The following HPS5 variants were observed in gnomAD, a reference collection of about 807,000 sequenced individuals.
The protein encoded by HPS5 is HPS5 biogenesis of lysosomal organelles complex 2 subunit 2, also known as BLOC-2 complex member HPS5.
In HPS5, 83 loss-of-function variants were observed where a neutral mutation model predicts 128.0. The ratio of observed to expected loss-of-function variants is 0.65; its 90% CI spans 0.54 to 0.78. HPS5 has a LOEUF of 0.78. Among genes scored for constraint, HPS5 ranks in the 30% least tolerant of loss-of-function variants. HPS5 has a pLI of 0.00. For missense variants in HPS5, 1,281 were observed against 1,326.2 expected (o/e 0.97, Z 0.53); for synonymous variants, 475 against 470.2 (o/e 1.01, Z -0.13).
In HPS5 at chr11:18,287,938, T is replaced by C; in HGVS notation, c.2516A>G (p.Asp839Gly). ...DLPTRLKLLD[D>G]EVPFDSPLLV... The stretch of plus-strand genomic sequence containing the variant: ...CAACGGACTATCAAAAGGAACCTCG[T>C]CATCTAGTAACTTTAACCTTGTTGG... The change falls in exon 17 of 23, where the codon GAC (aspartate) becomes GGC (glycine). Residue 839 changes from aspartate to glycine, a missense_variant. Physicochemically the swap from Asp to Gly is moderately conservative, Grantham distance 94 (BLOSUM62 -1). Coordinates refer to ENST00000349215, the MANE Select transcript of HPS5 (RefSeq NM_181507.2). 6.2e-7 allele frequency: 1 copy of C among 1,614,054 alleles called. No individual in the cohort carries two copies. Among genetic ancestry groups the C allele is most frequent in the Admixed American group, 1.7e-5 (1 of 60,028 alleles).
intron 18 of HPS5, 104 bp from the exon 19 acceptor site, chr11:18,286,814 GAAGA>G (rs1859792527): frequency 7.2e-7 from 1 of 1,393,836 alleles, no homozygotes; most frequent in Non-Finnish European, 9.9e-7. Flanking sequence ...GAATATAGAA[GAAGA>G]AATAACTTGA....
chr11:18,310,926 G>C lies in HPS5; in HGVS notation c.292C>G (p.Leu98Val), dbSNP rs767891569. ...DYVAVATSQG[L>V]VVVWELNQER... is the part of the protein sequence containing the mutation. Reference sequence around the variant, plus strand: ...TGATTTAATTCCCAAACAACCACAAGACCTTGACTGCAAGAATTGAGTCAC... The same window carrying C: ...TGATTTAATTCCCAAACAACCACAACACCTTGACTGCAAGAATTGAGTCAC... The change falls in exon 5 of 23, where the codon CTT becomes GTT. Residue 98 changes from leucine to valine, a missense_variant. Leu to Val is a conservative substitution (Grantham distance 32). Coordinates refer to ENST00000349215, the MANE Select transcript of HPS5 (RefSeq NM_181507.2). 7 of 1,613,794 alleles carry C rather than the reference G, an allele frequency of 4.3e-6. No individual in the cohort carries two copies. The Admixed American group carries it at 1.0e-4, about 23-fold the overall frequency.
chr11:18,282,712 C>T (rs555504110), intron 21 of HPS5, among the ~76,000 whole-genome samples: 11 of 151,782 alleles, frequency 7.2e-5, no homozygotes, highest in Non-Finnish European at 1.3e-4. Context: ...AACTTAAACA[C>T]GTAAGTATAT....
rs752862842 is a variant in HPS5, at chr11:18,291,829, C to G, written c.2053G>C (p.Asp685His). 21 of 1,611,466 alleles carry G rather than the reference C, an allele frequency of 1.3e-5. No individual in the cohort carries two copies. The highest frequency in any genetic ancestry group is 1.7e-5 in the Non-Finnish European group (20 of 1,179,066). Reference protein sequence around the residue: ...LVNESKKGILDEDNEKEKRDS... With the variant: ...LVNESKKGILHEDNEKEKRDS... ...CTTTTTTCTTTTTCATTATCTTCATCTAATATTCCCTTTTTTGATTCATTA... is the reference window on the plus strand; with the variant it reads ...CTTTTTTCTTTTTCATTATCTTCATGTAATATTCCCTTTTTTGATTCATTA... Residue 685 changes from aspartate to histidine, a missense_variant, in exon 16 of 23, where the codon GAT becomes CAT. By Grantham distance (81) the Asp-to-His change is moderately conservative. Transcript: ENST00000349215.
At position 18,309,119 on chromosome 11, in the gene HPS5, A is replaced by G. The variant is rs753455289; in HGVS notation, c.478-40T>C. On this transcript the variant is annotated intron_variant, in intron 5 of 22. Transcript: ENST00000349215. ...AGAAAGAAATAAAGTTTATTTAATCATAACATACACATGCAATCTCTTCCT... is the reference window on the plus strand; with the variant it reads ...AGAAAGAAATAAAGTTTATTTAATCGTAACATACACATGCAATCTCTTCCT... The G allele has an allele frequency of 2.5e-6, 4 of 1,584,002 alleles. No homozygotes were observed. In the Admixed American group the frequency reaches 5.0e-5, roughly 20 times the overall value.
At chr11:18,312,151 G>T (rs577451896) in intron 2 of HPS5, 127 bp from the exon 3 acceptor site, 181 of 706,510 alleles carry the variant, frequency 2.6e-4, no homozygotes, top group Middle Eastern at 1.7e-3. Context: ...TGCCCATATG[G>T]ACACAATATG....
chr11:18,301,454 CAAAAAAAAAAA>C (rs899074500), intron 8 of HPS5, among the ~76,000 whole-genome samples: 12 of 52,078 alleles, frequency 2.3e-4, no homozygotes, highest in Non-Finnish European at 3.6e-4. Context: ...GACTCTGTCT[CAAAAAAAAAAA>C]AAAAAAAAAA....
chr11:18,301,341 A>G, intron 8 of HPS5, among the ~76,000 whole-genome samples: 1 of 151,480 alleles, frequency 6.6e-6, no homozygotes, highest in Admixed American at 6.6e-5. Context: ...TTGTAATCCC[A>G]GCTACTCGGG....
chr11:18,295,127 G>T lies in HPS5; in HGVS notation c.1677C>A (p.Thr559=). 4 of 1,614,036 alleles carry T rather than the reference G, an allele frequency of 2.5e-6. No homozygotes were observed. Among genetic ancestry groups the T allele is most frequent in the Non-Finnish European group, 3.4e-6 (4 of 1,179,986 alleles). Residue 559 remains threonine (T), a synonymous_variant, in exon 14 of 23, where the codon ACC becomes ACA. Transcript: ENST00000349215. The part of the protein sequence containing the change: ...FVRKTTEKIG[T]LHTSPDLKVR... Reference sequence around the variant, plus strand: ...CTTTCAGATCAGGGCTCGTGTGAAGGGTGCCAATCTTCTCAGTAGTTTTAC... The same window carrying T: ...CTTTCAGATCAGGGCTCGTGTGAAGTGTGCCAATCTTCTCAGTAGTTTTAC...
In HPS5 at chr11:18,279,072, T is replaced by C. The variant is rs1056481036; in HGVS notation, c.*810A>G. 5.3e-5 allele frequency: 8 copies of C among 152,260 alleles called. No homozygotes were observed. The highest frequency in any genetic ancestry group is 8.8e-5 in the Non-Finnish European group (6 of 68,038). The allele number at this position is 152,260 out of a possible 1,614,324, so 9.4% of individuals were successfully genotyped here. A position where few individuals can be genotyped will look rare whatever the true frequency, so the allele number is the denominator to read the frequency against. On this transcript the variant is annotated 3_prime_UTR_variant, in exon 23 of 23. Transcript: ENST00000349215. ...ATATTTTTAATTAGCTTAATTTATA[T>C]ATGAAGATATTTTATTTAATTTGTT...
chr11:18,295,945 G>C (rs1728180169), intron 13 of HPS5, 54 bp downstream of exon 13: 1 of 1,555,874 alleles, frequency 6.4e-7, no homozygotes, highest in Non-Finnish European at 8.9e-7. Flanking sequence ...TACCTAATGT[G>C]AGAACTGAAA....
intron 14 of HPS5, among the ~76,000 whole-genome samples, chr11:18,293,407 C>T (rs998039892): frequency 6.6e-6 from 1 of 152,116 alleles, no homozygotes; most frequent in Non-Finnish European, 1.5e-5. Flanking sequence ...CTCCTGACCT[C>T]GTGATCCACC....
chr11:18,312,712 T>C (rs1322895212), intron 2 of HPS5, among the ~76,000 whole-genome samples: 1 of 152,246 alleles, frequency 6.6e-6, no homozygotes, highest in East Asian at 1.9e-4. Flanking sequence ...GCAGAGCCTG[T>C]AGAAAGCCTT....
chr11:18,279,531 C>T lies in HPS5; in HGVS notation c.*351G>A, dbSNP rs2134185440. ...GCTTCTGCTCCCAACATGGAAGCCA[C>T]AGTAAGAAAAGAATCTGTCTAATCC... On this transcript the variant is annotated 3_prime_UTR_variant, in exon 23 of 23. Transcript: ENST00000349215. 7.5e-6 allele frequency: 2 copies of T among 265,730 alleles called. No individual in the cohort carries two copies. Among genetic ancestry groups the T allele is most frequent in the South Asian group, 9.8e-5 (2 of 20,338 alleles). 16.5% of individuals were successfully genotyped at this position (265,730 alleles called of 1,614,324 possible).
At chr11:18,309,942 G>T (rs184162394) in intron 5 of HPS5, among the ~76,000 whole-genome samples, 70 of 152,312 alleles carry the variant, frequency 4.6e-4, no homozygotes, top group African/African-American at 1.6e-3. Flanking sequence ...AATCAAGACT[G>T]CAGTGAGCCA....
chr11:18,321,540 G>A (rs547775004), intron 1 of HPS5, among the ~76,000 whole-genome samples: 21 of 152,362 alleles, frequency 1.4e-4, no homozygotes, highest in Admixed American at 5.9e-4. Flanking sequence ...GTAGAGCTGA[G>A]ATTAGAATAC....
intron 9 of HPS5, among the ~76,000 whole-genome samples, chr11:18,300,504 CTGGCCAACA>C (rs1013430329): frequency 1.0e-3 from 155 of 152,062 alleles, no homozygotes; most frequent in Non-Finnish European, 1.3e-3. Flanking sequence ...CGAGACCAGC[CTGGCCAACA>C]TGGCGAAACT....
At chr11:18,297,791 A>C (rs1861249435) in intron 10 of HPS5, 74 bp from the exon 11 acceptor site, 1 of 1,456,946 alleles carries the variant, frequency 6.9e-7, no homozygotes, top group Non-Finnish European at 9.5e-7. Flanking sequence ...ATATTGAAAG[A>C]GGTCTAGGCC....
chr11:18,303,815 C>G (rs1862021037), intron 8 of HPS5, among the ~76,000 whole-genome samples: 1 of 150,630 alleles, frequency 6.6e-6, no homozygotes, highest in African/African-American at 2.4e-5. Flanking sequence ...GATCGCACCA[C>G]TGCACTCCAA....
Sources: allele counts gnomAD v4.1 joint callset (sites outside exome capture counted in the v4.1 genomes callset), GRCh38; gene constraint gnomAD v4.1.1; transcripts MANE v1.5; gene names NCBI Gene and HGNC (gene_info 2026-07-23, HGNC 2026-07-21).